The following TOP1 variants were observed in gnomAD, a reference collection of about 807,000 sequenced individuals.
The protein encoded by TOP1 is DNA topoisomerase 1.
Under a neutral mutation model 111.1 loss-of-function variants are expected in TOP1, and 10 were observed. The ratio of observed to expected loss-of-function variants is 0.09; its 90% confidence interval spans 0.06 to 0.15. The LOEUF is 0.15. TOP1 is among the 10% of genes least tolerant of loss of function. The pLI, the probability that TOP1 is intolerant of heterozygous loss-of-function variation, is 1.00. For missense variants in TOP1, 474 were observed against 926.7 expected, an observed-to-expected ratio of 0.51 and a Z score of 6.34; for synonymous variants, 271 against 302.9, an observed-to-expected ratio of 0.89 and a Z score of 1.10.
intron 3 of TOP1, chr20:41,072,892 C>T (rs1392466435): frequency 1.5e-5 from 15 of 985,254 alleles, no homozygotes; most frequent in Non-Finnish European, 1.4e-5. Context: ...TATGCCTAAA[C>T]AGTTAGGAGT....
rs996198905 is a variant in TOP1, at chr20:41,030,292, T to C, written c.58+837T>C. Among the ~76,000 whole-genome samples the C allele has an allele frequency of 6.6e-5, 10 of 152,196 alleles. No homozygotes were observed. The highest frequency in any genetic ancestry group is 2.1e-4 in the South Asian group (1 of 4,832). On this transcript the variant is annotated intron_variant, in intron 2 of 20. Coordinates refer to ENST00000361337, the MANE Select transcript of TOP1 (RefSeq NM_003286.4). The surrounding 1 kb of genome is among the most constrained non-coding windows in gnomAD (Gnocchi z 4.1). ...GTGTTTTTCTGGAAACGCAGTTTAG[T>C]GTACTTGTTGGAAGGAAAGATTGTT... is the stretch of plus-strand genomic sequence containing the variant.
intron 2 of TOP1, among the ~76,000 whole-genome samples, chr20:41,050,396 C>G (rs1441409357): frequency 1.3e-5 from 2 of 152,204 alleles, no homozygotes; most frequent in Non-Finnish European, 2.9e-5. Context: ...TTCCAGAGCT[C>G]TTTGGGCCTT....
Position 41,028,866 on chromosome 20 carries a change from C to G in TOP1, c.-202C>G. 1.8e-6 allele frequency: 1 copy of G among 560,140 alleles called. No homozygotes were observed. Among genetic ancestry groups the G allele is most frequent in the Non-Finnish European group, 3.1e-6 (1 of 318,306 alleles). 34.7% of individuals were successfully genotyped at this position (560,140 alleles called of 1,614,324 possible). ...TTACACAACTGCTGGGGTCTGTTCT[C>G]GCCGCCCGCCCGGCAGTCAGGCAGC... On this transcript the variant is annotated 5_prime_UTR_variant, in exon 1 of 21. Coordinates refer to ENST00000361337, the MANE Select transcript of TOP1 (RefSeq NM_003286.4).
chr20:41,115,343 A>C lies in TOP1; in HGVS notation c.1639-28A>C. On this transcript the variant is annotated intron_variant, in intron 15 of 20. Transcript: ENST00000361337. This position sits in a 1 kb window ranked among gnomAD's most constrained non-coding sequence, Gnocchi z 6.3. ...AAAGTTAGGATTTTTTTCAAGAGTA[A>C]TAATTAGGATTCACTTATATCTTTT... is the stretch of plus-strand genomic sequence containing the variant. 6.6e-7 allele frequency: 1 copy of C among 1,525,230 alleles called. No individual in the cohort carries two copies. Among genetic ancestry groups the C allele is most frequent in the Non-Finnish European group, 9.1e-7 (1 of 1,102,506 alleles). 94.5% of individuals were successfully genotyped at this position (1,525,230 alleles called of 1,614,324 possible).
rs1157151177 is a variant in TOP1 at position 41,092,183 on chromosome 20, A to C, written c.615-289A>C. Reference sequence around the variant, plus strand: ...AACTGTTTACATTTTCAAGTCCCTCACTTGTTACTGAGCTCCTTCATTGTT... The same window carrying C: ...AACTGTTTACATTTTCAAGTCCCTCCCTTGTTACTGAGCTCCTTCATTGTT... On this transcript the variant is annotated intron_variant, in intron 8 of 20. Coordinates refer to ENST00000361337, the MANE Select transcript of TOP1 (RefSeq NM_003286.4). The surrounding 1 kb of genome is among the most constrained non-coding windows in gnomAD (Gnocchi z 4.3). 5.9e-5 allele frequency among the ~76,000 whole-genome samples: 9 copies of C among 152,134 alleles called. No homozygotes were observed. Among genetic ancestry groups the C allele is most frequent in the Admixed American group, 5.9e-4 (9 of 15,278 alleles).
intron 3 of TOP1, chr20:41,072,753 A>T (rs1183472132): frequency 1.6e-5 from 16 of 985,336 alleles, no homozygotes; most frequent in Non-Finnish European, 1.9e-5. Context: ...ATCACATTGT[A>T]TTCAGAAGCC....
chr20:41,051,739 A>G (rs2122610521), intron 2 of TOP1, among the ~76,000 whole-genome samples: 1 of 152,080 alleles, frequency 6.6e-6, no homozygotes, highest in African/African-American at 2.4e-5. Context: ...TATAGGAAGG[A>G]AAATCAGACA....
chr20:41,101,423 C>T lies in TOP1; in HGVS notation c.1308+70C>T. Reference sequence around the variant, plus strand: ...CCTTTTTTTGTTGAAATGTAACGTTCTCGTCCTCTAGAATCACTTTGACAA... The same window carrying T: ...CCTTTTTTTGTTGAAATGTAACGTTTTCGTCCTCTAGAATCACTTTGACAA... On this transcript the variant is annotated intron_variant, in intron 13 of 20. Coordinates refer to ENST00000361337, the MANE Select transcript of TOP1 (RefSeq NM_003286.4). This position sits in a 1 kb window ranked among gnomAD's most constrained non-coding sequence, Gnocchi z 4.1. The T allele has an allele frequency of 6.8e-7, 1 of 1,477,604 alleles. No individual in the cohort carries two copies. Among genetic ancestry groups the T allele is most frequent in the Non-Finnish European group, 9.2e-7 (1 of 1,086,212 alleles). The allele number at this position is 1,477,604 out of a possible 1,614,324, so 91.5% of individuals were successfully genotyped here.
chr20:41,050,822 T>C (rs1181675606), intron 2 of TOP1, among the ~76,000 whole-genome samples: 1 of 152,238 alleles, frequency 6.6e-6, no homozygotes, highest in African/African-American at 2.4e-5. Context: ...ACCAGCTTGT[T>C]ATCTGTCCTA....
At chr20:41,050,433 T>G (rs2033390904) in intron 2 of TOP1, among the ~76,000 whole-genome samples, 1 of 152,244 alleles carries the variant, frequency 6.6e-6, no homozygotes, top group Non-Finnish European at 1.5e-5. Flanking sequence ...CTGTCCTGCT[T>G]ACTTTGAAAG....
intron 2 of TOP1, among the ~76,000 whole-genome samples, chr20:41,036,318 G>GT (rs1046726693): frequency 6.6e-6 from 1 of 152,208 alleles, no homozygotes; most frequent in Non-Finnish European, 1.5e-5. Flanking sequence ...TAGGGGAAGA[G>GT]TGGGGGTGTG....
rs1600578365 is a variant in TOP1 at position 41,083,578 on chromosome 20, T to C, written c.508-884T>C. 1.3e-5 allele frequency among the ~76,000 whole-genome samples: 2 copies of C among 152,312 alleles called. No individual in the cohort carries two copies. The highest frequency in any genetic ancestry group is 3.9e-4 in the East Asian group (2 of 5,194). On this transcript the variant is annotated intron_variant, in intron 7 of 20. Transcript: ENST00000361337. The surrounding 1 kb of genome is among the most constrained non-coding windows in gnomAD (Gnocchi z 7.2). ...AACTGGAAGTGGTTAAATGAACCCA[T>C]CCATACACTTTCCAGCTGTGCCACT... is the stretch of plus-strand genomic sequence containing the variant.
chr20:41,060,554 T>G (rs1217703181), intron 2 of TOP1, among the ~76,000 whole-genome samples: 2 of 152,216 alleles, frequency 1.3e-5, no homozygotes, highest in Non-Finnish European at 2.9e-5. Flanking sequence ...TCTGAGATGA[T>G]GGACTTGTTC....
Position 41,080,092 on chromosome 20 carries a change from C to A in TOP1, c.343C>A (p.Gln115Lys). ...EKENGFSSPP[Q>K]IKDEPEDDGY... ...AATTTTTTTTCTCTTTAGTCCACCA[C>A]AAATTAAAGATGAACCTGAAGATGA... The change falls in exon 6 of 21, where the codon CAA (glutamine) becomes AAA (lysine). Residue 115 changes from glutamine (Q) to lysine (K), a missense_variant. Coordinates refer to ENST00000361337, the MANE Select transcript of TOP1 (RefSeq NM_003286.4). This position sits in a 1 kb window ranked among gnomAD's most constrained non-coding sequence, Gnocchi z 5.0. The A allele has an allele frequency of 1.9e-6, 3 of 1,608,504 alleles. No individual in the cohort carries two copies. The highest frequency in any genetic ancestry group is 2.5e-6 in the Non-Finnish European group (3 of 1,176,900).
rs962247352 is a variant in TOP1, at chr20:41,082,102, G to A, written c.507+862G>A. On this transcript the variant is annotated intron_variant, in intron 7 of 20. Transcript: ENST00000361337. This position sits in a 1 kb window ranked among gnomAD's most constrained non-coding sequence, Gnocchi z 4.1. ...TGATGCCCTCCCCTAAGACAAGAAG[G>A]GGTTGGGTGAGTTCTTAGCTCTTAT... is the stretch of plus-strand genomic sequence containing the variant. Among the ~76,000 whole-genome samples, 4 of 152,168 alleles carry A rather than the reference G, an allele frequency of 2.6e-5. No individual in the cohort carries two copies. Among genetic ancestry groups the A allele is most frequent in the African/African-American group, 9.7e-5 (4 of 41,436 alleles).
chr20:41,086,790 G>A (rs1043916732), intron 8 of TOP1, among the ~76,000 whole-genome samples: 1 of 152,184 alleles, frequency 6.6e-6, no homozygotes, highest in African/African-American at 2.4e-5. Context: ...CTTTGCTACA[G>A]CTTCTAACGC....
intron 8 of TOP1, among the ~76,000 whole-genome samples, chr20:41,089,432 G>T (rs2033891546): frequency 6.6e-6 from 1 of 152,168 alleles, no homozygotes; most frequent in South Asian, 2.1e-4. Flanking sequence ...CTTTGTGACT[G>T]ACTCATTTCA....
chr20:41,086,456 G>T (rs2033849926), intron 8 of TOP1, among the ~76,000 whole-genome samples: 1 of 152,200 alleles, frequency 6.6e-6, no homozygotes, highest in Non-Finnish European at 1.5e-5. Flanking sequence ...ATCAGTCAGG[G>T]TTCTGTGGTA....
chr20:41,103,317 T>C (rs984300846), intron 13 of TOP1, among the ~76,000 whole-genome samples: 1 of 152,220 alleles, frequency 6.6e-6, no homozygotes, highest in Admixed American at 6.5e-5. Flanking sequence ...GGCTAGTAAC[T>C]CTAACTTAGA....
Sources: gnomAD v4.1 joint callset for allele counts (sites outside exome capture counted in the v4.1 genomes callset) on GRCh38, gnomAD v4.1.1 for gene constraint, Gnocchi (gnomAD v3.1) non-coding constraint, MANE v1.5 for transcripts, NCBI Gene and HGNC (gene_info 2026-07-23, HGNC 2026-07-21) for gene names.